TXLNB: variants seen among roughly 807,000 people sequenced by gnomAD.
TXLNB encodes the protein beta-taxilin.
Under a neutral mutation model 57.4 loss-of-function variants are expected in TXLNB, and 37 were observed. That is an observed-to-expected ratio of 0.64 (90% CI 0.50 to 0.85). TXLNB has a LOEUF of 0.85. Among genes scored for constraint, TXLNB ranks in the 40% least tolerant of loss-of-function variants. TXLNB has a pLI of 0.00. For synonymous variants in TXLNB, 302 were observed against 309.6 expected (o/e 0.98, Z 0.26); for missense variants, 848 against 825.6 (o/e 1.03, Z -0.33).
At chr6:139,322,348 G>A in the TXLNB span, among the ~76,000 whole-genome samples, 10 of 152,254 alleles carry the variant, frequency 6.6e-5, no homozygotes, top group South Asian at 2.1e-3. Context: ...AGGGTTGGGG[G>A]GACAAGTGTT....
At chr6:139,230,726 A>G in the TXLNB span, among the ~76,000 whole-genome samples, 1 of 152,330 alleles carries the variant, frequency 6.6e-6, no homozygotes, top group East Asian at 1.9e-4. Context: ...AATAGCTGAC[A>G]CTATACTTGC....
At chr6:139,312,641 G>A in the TXLNB span, among the ~76,000 whole-genome samples, 1 of 151,234 alleles carries the variant, frequency 6.6e-6, no homozygotes, top group African/African-American at 2.4e-5. Flanking sequence ...ATCATCCTTA[G>A]AGTTGTAGGA....
the TXLNB span, among the ~76,000 whole-genome samples, chr6:139,203,068 T>C: frequency 6.6e-6 from 1 of 152,336 alleles, no homozygotes; most frequent in African/African-American, 2.4e-5. Context: ...ATTATTTGTA[T>C]ATAAATACCA....
intron 4 of TXLNB, among the ~76,000 whole-genome samples, chr6:139,270,177 C>A (rs1212439989): frequency 2.0e-5 from 3 of 152,244 alleles, no homozygotes; most frequent in Non-Finnish European, 2.9e-5. Context: ...TTATCAAGGG[C>A]CTGCACTGTG....
chr6:139,167,906 C>T, the TXLNB span, among the ~76,000 whole-genome samples: 6 of 152,230 alleles, frequency 3.9e-5, no homozygotes, highest in African/African-American at 1.4e-4. Flanking sequence ...GGATTTGGTA[C>T]ATTTCAGCCA....
At chr6:139,269,408 C>G (rs1249726090) in intron 4 of TXLNB, among the ~76,000 whole-genome samples, 1 of 152,198 alleles carries the variant, frequency 6.6e-6, no homozygotes, top group African/African-American at 2.4e-5. Context: ...GAGGACGATG[C>G]TTCCATCCTC....
chr6:139,276,956 G>A (rs1776914978), intron 2 of TXLNB, 35 bp from the exon 3 acceptor site: 3 of 1,514,280 alleles, frequency 2.0e-6, no homozygotes, highest in Non-Finnish European at 2.7e-6. Flanking sequence ...AATAAGTGTT[G>A]AATTTACAGT....
chr6:139,192,894 C>T, the TXLNB span, among the ~76,000 whole-genome samples: 2 of 151,508 alleles, frequency 1.3e-5, no homozygotes, highest in Middle Eastern at 3.2e-3. Context: ...ACCTGTTAGG[C>T]GGAGGTTGCA....
chr6:139,180,407 CT>C, the TXLNB span: 1 of 152,598 alleles, frequency 6.6e-6, no homozygotes, highest in African/African-American at 2.4e-5. Flanking sequence ...CTCCAGTTTG[CT>C]TTTCTGTTTT....
the TXLNB span, among the ~76,000 whole-genome samples, chr6:139,212,494 G>A: frequency 2.6e-5 from 4 of 152,288 alleles, no homozygotes; most frequent in African/African-American, 7.2e-5. Flanking sequence ...AACATGGAAA[G>A]GAACAACCGG....
At chr6:139,213,943 CTGAA>C in the TXLNB span, among the ~76,000 whole-genome samples, 1 of 152,216 alleles carries the variant, frequency 6.6e-6, no homozygotes. Flanking sequence ...AGTTGAATCT[CTGAA>C]TAGACCAATA....
chr6:139,201,757 G>T, the TXLNB span: 1 of 152,160 alleles, frequency 6.6e-6, no homozygotes, highest in Non-Finnish European at 1.5e-5. Context: ...GTGCTTGGTT[G>T]GTTGGTTTGT....
chr6:139,254,512 G>A (rs1776286114), intron 7 of TXLNB, among the ~76,000 whole-genome samples: 1 of 152,214 alleles, frequency 6.6e-6, no homozygotes, highest in African/African-American at 2.4e-5. Context: ...TCTGTGGCCT[G>A]TGGCAGGATG....
intron 2 of TXLNB, among the ~76,000 whole-genome samples, chr6:139,279,743 C>CA (rs11449032): frequency 0.072 from 10,907 of 152,168 alleles, 1,299 homozygotes; most frequent in African/African-American, 0.24. Context: ...GACGCTTTAT[C>CA]AGGAAGGAAT....
At chr6:139,227,848 C>G in the TXLNB span, among the ~76,000 whole-genome samples, 1 of 152,164 alleles carries the variant, frequency 6.6e-6, no homozygotes. Context: ...CAAATGCACA[C>G]ACGCACAGGC....
intron 4 of TXLNB, among the ~76,000 whole-genome samples, chr6:139,264,767 C>T (rs562415236): frequency 2.6e-5 from 4 of 152,128 alleles, no homozygotes; most frequent in East Asian, 3.9e-4. Flanking sequence ...ACCATGTTGG[C>T]GAGGCTGGTC....
the TXLNB span, among the ~76,000 whole-genome samples, chr6:139,181,158 C>T: frequency 6.6e-6 from 1 of 152,138 alleles, no homozygotes; most frequent in Non-Finnish European, 1.5e-5. Context: ...GCCACATAGC[C>T]AAAACTTAAG....
intron 2 of TXLNB, among the ~76,000 whole-genome samples, chr6:139,287,839 T>G (rs1208328329): frequency 6.6e-6 from 1 of 151,980 alleles, no homozygotes; most frequent in Non-Finnish European, 1.5e-5. Context: ...TTCCCGTTTT[T>G]GCACTTCTCC....
In TXLNB at chr6:139,243,302, C is replaced by T; in HGVS notation, c.1279G>A (p.Ala427Thr). 6.2e-7 allele frequency: 1 copy of T among 1,608,564 alleles called. No homozygotes were observed. Among genetic ancestry groups the T allele is most frequent in the Non-Finnish European group, 8.5e-7 (1 of 1,179,166 alleles). Residue 427 changes from alanine (A) to threonine (T), a missense_variant, in exon 10 of 10, where the codon GCT (alanine) becomes ACT (threonine). Transcript: ENST00000358430. Reference protein sequence around the residue: ...LDMIEEKALRAKEYECFVMKI... With the variant: ...LDMIEEKALRTKEYECFVMKI... ...ATCACAAAGCACTCATATTCTTTAG[C>T]TCTCAGTGCTTTCTGTGATGTGAAA... is the stretch of plus-strand genomic sequence containing the variant.
Sources: gnomAD v4.1 joint callset for allele counts (sites outside exome capture counted in the v4.1 genomes callset) on GRCh38, gnomAD v4.1.1 for gene constraint, MANE v1.5 for transcripts, NCBI Gene and HGNC (gene_info 2026-07-23, HGNC 2026-07-21) for gene names.